The following ATXN7L1 variants were observed in gnomAD, a reference collection of about 807,000 sequenced individuals.
ATXN7L1 encodes ataxin 7 like 1.
A neutral mutation model predicts 70.8 loss-of-function variants in ATXN7L1; 15 were observed. That is an observed-to-expected ratio of 0.21 (90% CI 0.14 to 0.33). The LOEUF is 0.33. Among genes scored for constraint, ATXN7L1 ranks in the 10% least tolerant of loss-of-function variants. The probability of loss-of-function intolerance (pLI) is 1.00; values close to 1 mark genes in which losing one functional copy is unlikely to be tolerated. For synonymous variants in ATXN7L1, 440 were observed against 445.1 expected (o/e 0.99, Z 0.14); for missense variants, 975 against 1,097.1 (o/e 0.89, Z 1.57).
chr7:105,605,644 A>C lies in ATXN7L1; in HGVS notation c.*2208T>G, dbSNP rs986114330. 1.3e-5 allele frequency: 2 copies of C among 152,194 alleles called. No individual in the cohort carries two copies. The highest frequency in any genetic ancestry group is 1.5e-5 in the Non-Finnish European group (1 of 68,024). The allele number at this position is 152,194 out of a possible 1,614,324, so 9.4% of individuals were successfully genotyped here. A position where few individuals can be genotyped will look rare whatever the true frequency, so the allele number is the denominator to read the frequency against. On this transcript the variant is annotated 3_prime_UTR_variant, in exon 12 of 12. Transcript: ENST00000419735. ...CCTCTTTGACTATAAGAGTTTATAA[A>C]TCAGAGGGTTATTTTGTTGTGGAGA...
At chr7:105,846,107 G>T (rs568799564) in intron 2 of ATXN7L1, among the ~76,000 whole-genome samples, 1 of 152,026 alleles carries the variant, frequency 6.6e-6, no homozygotes, top group Non-Finnish European at 1.5e-5. Context: ...AAGCAAAAAA[G>T]ACAACCCACA....
intron 8 of ATXN7L1, among the ~76,000 whole-genome samples, chr7:105,621,857 G>A (rs1329379844): frequency 6.6e-6 from 1 of 152,096 alleles, no homozygotes; most frequent in Non-Finnish European, 1.5e-5. Flanking sequence ...AGGAGGAAAT[G>A]CAAGACCTTC....
intron 2 of ATXN7L1, among the ~76,000 whole-genome samples, 185 bp downstream of exon 2, chr7:105,875,627 A>ACCG (rs1554490208): frequency 4.2e-5 from 4 of 94,778 alleles, no homozygotes; most frequent in South Asian, 5.5e-4. Flanking sequence ...ACCCCCCTTT[A>ACCG]CCCCCCCCCC....
chr7:105,781,360 C>T (rs1388030358), intron 3 of ATXN7L1, among the ~76,000 whole-genome samples: 2 of 152,128 alleles, frequency 1.3e-5, no homozygotes, highest in Non-Finnish European at 2.9e-5. Flanking sequence ...TCTTTAATTA[C>T]AATAGTCCAA....
At chr7:105,652,900 C>G (rs548415644) in intron 4 of ATXN7L1, among the ~76,000 whole-genome samples, 2 of 152,356 alleles carry the variant, frequency 1.3e-5, no homozygotes, top group Admixed American at 6.5e-5. Context: ...CCCTCAGGAG[C>G]ACCTTCCCTC....
At chr7:105,777,137 C>T (rs185422090) in intron 3 of ATXN7L1, among the ~76,000 whole-genome samples, 1 of 152,272 alleles carries the variant, frequency 6.6e-6, no homozygotes, top group East Asian at 1.9e-4. Flanking sequence ...GTCTAGTGTT[C>T]ACAGTGACTC....
chr7:105,852,680 C>T (rs991003742), intron 2 of ATXN7L1, among the ~76,000 whole-genome samples: 3 of 151,746 alleles, frequency 2.0e-5, no homozygotes, highest in Admixed American at 6.6e-5. Flanking sequence ...AGGACTGAAG[C>T]ATCATCCCAG....
At chr7:105,769,308 CTGGAAGCGTGACCA>C (rs1280292599) in intron 3 of ATXN7L1, among the ~76,000 whole-genome samples, 4 of 152,292 alleles carry the variant, frequency 2.6e-5, no homozygotes, top group East Asian at 3.9e-4. Context: ...GAAGTGGCTT[CTGGAAGCGTGACCA>C]TGGAAGCGTG....
chr7:105,735,533 C>T (rs534119006), intron 3 of ATXN7L1, among the ~76,000 whole-genome samples: 18 of 152,278 alleles, frequency 1.2e-4, no homozygotes, highest in Middle Eastern at 3.4e-3. Flanking sequence ...CTCCCTTGTA[C>T]GCTTTGATTT....
At chr7:105,853,792 AAAAC>A (rs948160573) in intron 2 of ATXN7L1, among the ~76,000 whole-genome samples, 2 of 152,034 alleles carry the variant, frequency 1.3e-5, no homozygotes, top group Admixed American at 1.3e-4. Context: ...AAACAAAACA[AAAAC>A]AAATTAAATG....
intron 2 of ATXN7L1, among the ~76,000 whole-genome samples, chr7:105,814,639 T>C (rs935370643): frequency 4.6e-5 from 7 of 152,306 alleles, no homozygotes; most frequent in Non-Finnish European, 8.8e-5. Flanking sequence ...GCTTGTTGAC[T>C]CCAATGCTTA....
intron 4 of ATXN7L1, among the ~76,000 whole-genome samples, chr7:105,655,579 C>T (rs1217601910): frequency 2.0e-5 from 3 of 152,100 alleles, no homozygotes; most frequent in African/African-American, 7.2e-5. Flanking sequence ...TTGGGTTGCT[C>T]GTATTTCACA....
chr7:105,639,200 G>A (rs1562936359), intron 6 of ATXN7L1, among the ~76,000 whole-genome samples: 1 of 152,090 alleles, frequency 6.6e-6, no homozygotes, highest in Non-Finnish European at 1.5e-5. Flanking sequence ...AACGTAGCAG[G>A]CTTTAGAACC....
intron 3 of ATXN7L1, among the ~76,000 whole-genome samples, chr7:105,762,543 C>T (rs1800686096): frequency 6.6e-6 from 1 of 152,188 alleles, no homozygotes; most frequent in Non-Finnish European, 1.5e-5. Context: ...TGGAGAGTTT[C>T]TAATGCCCCT....
In ATXN7L1 at chr7:105,657,422, T is replaced by C. The variant is rs979104018; in HGVS notation, c.578+7644A>G. On this transcript the variant is annotated intron_variant, in intron 4 of 11. Transcript: ENST00000419735. ...GGCTACTAAGCATTTAAAATGTGGC[T>C]ACTGTGGGGGCCAGGCACTGTGGCT... Among the ~76,000 whole-genome samples the C allele has an allele frequency of 6.6e-5, 10 of 152,076 alleles. 1 individual carries two copies. Among genetic ancestry groups the C allele is most frequent in the Non-Finnish European group, 1.0e-4 (7 of 68,012 alleles).
Position 105,605,269 on chromosome 7 carries a change from C to T in ATXN7L1, c.*2583G>A, listed in dbSNP as rs1792712362. 1.3e-5 allele frequency: 2 copies of T among 152,078 alleles called. No individual in the cohort carries two copies. The highest frequency in any genetic ancestry group is 4.2e-4 in the South Asian group (2 of 4,806). 9.4% of individuals were successfully genotyped at this position (152,078 alleles called of 1,614,324 possible). Reference sequence around the variant, plus strand: ...TGTTTTATAGGCTGCTCCAGTTTAACTCCATTAAGACAAACCCAAAGAGAA... The same window carrying T: ...TGTTTTATAGGCTGCTCCAGTTTAATTCCATTAAGACAAACCCAAAGAGAA... On this transcript the variant is annotated 3_prime_UTR_variant, in exon 12 of 12. Transcript: ENST00000419735.
At chr7:105,705,562 C>T (rs1793050632) in intron 3 of ATXN7L1, among the ~76,000 whole-genome samples, 1 of 152,120 alleles carries the variant, frequency 6.6e-6, no homozygotes, top group African/African-American at 2.4e-5. Context: ...GGATCCGTCC[C>T]CAGGAATCTG....
chr7:105,664,842 CA>C (rs757698288), intron 4 of ATXN7L1, among the ~76,000 whole-genome samples: 3 of 151,994 alleles, frequency 2.0e-5, no homozygotes, highest in Non-Finnish European at 4.4e-5. Context: ...GCTGGGATTA[CA>C]GGTGTGAGCG....
chr7:105,719,557 A>C (rs538591909), intron 3 of ATXN7L1, among the ~76,000 whole-genome samples: 2 of 152,270 alleles, frequency 1.3e-5, no homozygotes, highest in African/African-American at 4.8e-5. Context: ...CCCCAGGGAC[A>C]TATCCCACAG....
Sources: gnomAD v4.1 joint callset for allele counts (sites outside exome capture counted in the v4.1 genomes callset) on GRCh38, gnomAD v4.1.1 for gene constraint, MANE v1.5 for transcripts, NCBI Gene and HGNC (gene_info 2026-07-23, HGNC 2026-07-21) for gene names.